FHOD3: variants seen among roughly 807,000 people sequenced by gnomAD.
The protein encoded by FHOD3 is FH1/FH2 domain-containing protein 3.
A neutral mutation model predicts 173.0 loss-of-function variants in FHOD3; 90 were observed. The ratio of observed to expected loss-of-function variants is 0.52; its 90% CI spans 0.44 to 0.62. The LOEUF is 0.62. Ranked by LOEUF, FHOD3 falls within the 20% of genes least tolerant of loss-of-function variation. The probability of loss-of-function intolerance (pLI) is 0.00; values close to 1 mark genes in which losing one functional copy is unlikely to be tolerated. For synonymous variants in FHOD3, 828 were observed against 823.0 expected (o/e 1.01, Z -0.10); for missense variants, 1,945 against 2,034.7 (o/e 0.96, Z 0.85).
At chr18:36,464,491 A>G (rs1401815555) in intron 3 of FHOD3, among the ~76,000 whole-genome samples, 2 of 152,172 alleles carry the variant, frequency 1.3e-5, no homozygotes, top group African/African-American at 4.8e-5. Flanking sequence ...CAGGCCAGGG[A>G]TGGATTGGCT....
chr18:36,420,668 G>A (rs2049940411), intron 3 of FHOD3, among the ~76,000 whole-genome samples: 2 of 152,172 alleles, frequency 1.3e-5, no homozygotes, highest in African/African-American at 4.8e-5. Flanking sequence ...TTTAAGAGCA[G>A]TGTTTGCCTA....
intron 5 of FHOD3, among the ~76,000 whole-genome samples, chr18:36,538,567 C>T (rs551670011): frequency 6.6e-6 from 1 of 152,112 alleles, no homozygotes; most frequent in African/African-American, 2.4e-5. Context: ...TGGAATGTAC[C>T]AATTGTCCCT....
intron 3 of FHOD3, among the ~76,000 whole-genome samples, chr18:36,500,750 C>T (rs558847826): frequency 6.6e-6 from 1 of 152,322 alleles, no homozygotes; most frequent in South Asian, 2.1e-4. Context: ...AGCCTTTGCT[C>T]CTGATAATTC....
intron 5 of FHOD3, among the ~76,000 whole-genome samples, chr18:36,525,135 T>A (rs924974026): frequency 1.3e-5 from 2 of 152,136 alleles, no homozygotes; most frequent in Non-Finnish European, 2.9e-5. Context: ...GTAAATATTA[T>A]GGAACCATGA....
chr18:36,485,785 A>G (rs183392956), intron 3 of FHOD3, among the ~76,000 whole-genome samples: 6 of 152,302 alleles, frequency 3.9e-5, no homozygotes, highest in African/African-American at 1.4e-4. Context: ...CTATTCCAGA[A>G]GTCAGCCTGT....
chr18:36,768,933 G>A (rs1336062287), intron 27 of FHOD3, among the ~76,000 whole-genome samples: 1 of 152,148 alleles, frequency 6.6e-6, no homozygotes, highest in Non-Finnish European at 1.5e-5. Context: ...GTGATCACAG[G>A]ACCTGGCAGG....
chr18:36,716,950 GTGTATGTGT>G (rs2040493399), intron 18 of FHOD3, among the ~76,000 whole-genome samples: 1 of 150,540 alleles, frequency 6.6e-6, no homozygotes, highest in Non-Finnish European at 1.5e-5. Flanking sequence ...GTGTGTGTGT[GTGTATGTGT>G]TAATGTGCCA....
chr18:36,552,289 G>GCT (rs2057690280), intron 5 of FHOD3, among the ~76,000 whole-genome samples: 2 of 151,988 alleles, frequency 1.3e-5, no homozygotes, highest in African/African-American at 4.8e-5. Flanking sequence ...ATGATTTGAT[G>GCT]CTCTGTTTGT....
At chr18:36,354,816 A>AG in intron 1 of FHOD3, among the ~76,000 whole-genome samples, 2 of 151,066 alleles carry the variant, frequency 1.3e-5, no homozygotes, top group South Asian at 2.1e-4. Context: ...CAAAAAAAAA[A>AG]AAATAAAAAT....
intron 3 of FHOD3, among the ~76,000 whole-genome samples, chr18:36,457,591 A>G (rs2052296304): frequency 6.6e-6 from 1 of 151,436 alleles, no homozygotes; most frequent in Admixed American, 6.6e-5. Context: ...TTTTATTGGC[A>G]GAGCTGAAAC....
intron 5 of FHOD3, among the ~76,000 whole-genome samples, chr18:36,535,735 GTATT>G (rs2056969168): frequency 6.6e-6 from 1 of 152,064 alleles, no homozygotes; most frequent in Non-Finnish European, 1.5e-5. Flanking sequence ...TGTTGTAACA[GTATT>G]TAATACTACT....
chr18:36,691,862 G>T (rs1276194977), intron 16 of FHOD3, among the ~76,000 whole-genome samples: 1 of 152,228 alleles, frequency 6.6e-6, no homozygotes, highest in African/African-American at 2.4e-5. Context: ...AAGAACAGAG[G>T]ATGGTAATCT....
intron 3 of FHOD3, among the ~76,000 whole-genome samples, chr18:36,414,546 C>G (rs1303537364): frequency 6.6e-6 from 1 of 152,196 alleles, no homozygotes; most frequent in African/African-American, 2.4e-5. Context: ...CCTGAAGGCT[C>G]CAGCCACCCA....
chr18:36,489,025 G>A (rs1173153325), intron 3 of FHOD3, among the ~76,000 whole-genome samples: 1 of 152,174 alleles, frequency 6.6e-6, no homozygotes, highest in East Asian at 1.9e-4. Flanking sequence ...AGTCCTGGCT[G>A]CAGTGGGTGC....
chr18:36,343,448 C>G (rs1598777534), intron 1 of FHOD3, among the ~76,000 whole-genome samples: 2 of 152,192 alleles, frequency 1.3e-5, no homozygotes, highest in Admixed American at 1.3e-4. Context: ...CCCTCCAAAT[C>G]TCATGTCAAA....
Position 36,450,438 on chromosome 18 carries a change from A to AGTTT in FHOD3, c.338-51489_338-51486dup, listed in dbSNP as rs35174305. Among the ~76,000 whole-genome samples the AGTTT allele has an allele frequency of 2.9e-3, 387 of 131,580 alleles. 1 individual carries two copies. The highest frequency in any genetic ancestry group is 0.012 in the East Asian group (45 of 3,804). The allele number at this position is 131,580 out of a possible 152,430, so 86.3% of individuals were successfully genotyped here. A position where few individuals can be genotyped will look rare whatever the true frequency, so the allele number is the denominator to read the frequency against. ...TGTTAGACCAGTAGCATTTACGACC[A>AGTTT]GTTTGTTTATTTATTTATTTATTTA... On this transcript the variant is annotated intron_variant, in intron 3 of 28. Coordinates refer to ENST00000590592, the MANE Select transcript of FHOD3 (RefSeq NM_001281740.3).
chr18:36,779,650 C>A lies in FHOD3; in HGVS notation c.*120C>A. On this transcript the variant is annotated 3_prime_UTR_variant, in exon 29 of 29. Coordinates refer to ENST00000590592, the MANE Select transcript of FHOD3 (RefSeq NM_001281740.3). ...CATCCAACAGTTTGAAAAGGGAGAG[C>A]TCAATTCCCAGCGTCACCCCATGGC... 1.2e-6 allele frequency: 1 copy of A among 856,514 alleles called. No homozygotes were observed. The highest frequency in any genetic ancestry group is 1.7e-5 in the African/African-American group (1 of 59,858). 53.1% of individuals were successfully genotyped at this position (856,514 alleles called of 1,614,324 possible). A position where few individuals can be genotyped will look rare whatever the true frequency, so the allele number is the denominator to read the frequency against.
chr18:36,297,808 G>C lies in FHOD3; in HGVS notation c.-28G>C, dbSNP rs1237574393. ...GGCCCGCGGCCCCGCTAACCCCGGG[G>C]CCCGCGCCCCCGCGGCAGGGATGCA... is the stretch of plus-strand genomic sequence containing the variant. On this transcript the variant is annotated 5_prime_UTR_variant, in exon 1 of 29. Coordinates refer to ENST00000590592, the MANE Select transcript of FHOD3 (RefSeq NM_001281740.3). 6.7e-7 allele frequency: 1 copy of C among 1,493,208 alleles called. No homozygotes were observed. Among genetic ancestry groups the C allele is most frequent in the African/African-American group, 1.5e-5 (1 of 68,214 alleles). 92.5% of individuals were successfully genotyped at this position (1,493,208 alleles called of 1,614,324 possible). A position where few individuals can be genotyped will look rare whatever the true frequency, so the allele number is the denominator to read the frequency against.
intron 28 of FHOD3, among the ~76,000 whole-genome samples, chr18:36,775,459 T>G (rs2043586940): frequency 6.6e-6 from 1 of 152,168 alleles, no homozygotes. Flanking sequence ...TCTCTACCAC[T>G]AAGTGTGAGC....
Sources: allele counts gnomAD v4.1 joint callset (sites outside exome capture counted in the v4.1 genomes callset), GRCh38; gene constraint gnomAD v4.1.1; transcripts MANE v1.5; gene names NCBI Gene and HGNC (gene_info 2026-07-23, HGNC 2026-07-21).